Variants in ELOVL6 observed in about 807,000 individuals in gnomAD.
The protein encoded by ELOVL6 is very long chain fatty acid elongase 6.
In ELOVL6, 8 loss-of-function variants were observed where a neutral mutation model predicts 31.7. The ratio of observed to expected loss-of-function variants is 0.25; its 90% CI spans 0.15 to 0.45. The LOEUF (loss-of-function observed/expected upper bound fraction) is 0.45, where lower values mean the gene tolerates loss of function less well. ELOVL6 is among the 20% of genes least tolerant of loss of function. The pLI, the probability that ELOVL6 is intolerant of heterozygous loss-of-function variation, is 1.00. For synonymous variants in ELOVL6, 101 were observed against 117.7 expected, an observed-to-expected ratio of 0.86 and a Z score of 0.92; for missense variants, 126 against 326.4, an observed-to-expected ratio of 0.39 and a Z score of 4.73.
In ELOVL6 at chr4:110,051,544, T is replaced by C. The variant is rs1243958053; in HGVS notation, c.592A>G (p.Ile198Val). ...ATCTGAGTGATCTGGGACAAGGTGA[T>C]GAACATGGCAAACTTCCGGGAGACT... ...FRVSRKFAMFITLSQITQMLM... is the reference protein window; with the variant it reads ...FRVSRKFAMFVTLSQITQMLM... The change falls in exon 4 of 4, where the codon ATC becomes GTC. Residue 198 changes from isoleucine to valine, a missense_variant. By Grantham distance (29) the Ile-to-Val change is conservative. Coordinates refer to ENST00000302274, the MANE Select transcript of ELOVL6 (RefSeq NM_024090.3). The surrounding 1 kb of genome is among the most constrained non-coding windows in gnomAD (Gnocchi z 4.8). The C allele has an allele frequency of 6.2e-7, 1 of 1,614,196 alleles. No individual in the cohort carries two copies.
At chr4:110,192,807 T>A (rs1033572397) in intron 1 of ELOVL6, among the ~76,000 whole-genome samples, 1 of 152,214 alleles carries the variant, frequency 6.6e-6, no homozygotes, top group African/African-American at 2.4e-5. Context: ...TATGCCTACA[T>A]CCCAGTGCTT....
At chr4:110,052,312 C>T (rs1316738605) in intron 3 of ELOVL6, among the ~76,000 whole-genome samples, 1 of 152,156 alleles carries the variant, frequency 6.6e-6, no homozygotes, top group Non-Finnish European at 1.5e-5. Flanking sequence ...AAAGGTACCC[C>T]TCAAACATAT....
intron 1 of ELOVL6, among the ~76,000 whole-genome samples, chr4:110,167,520 G>A (rs1421381858): frequency 6.6e-6 from 1 of 151,446 alleles, no homozygotes; most frequent in Non-Finnish European, 1.5e-5. Context: ...GGGAGTGAAG[G>A]GGGAACATTA....
chr4:110,090,430 A>C (rs1017088425), intron 2 of ELOVL6, among the ~76,000 whole-genome samples: 2 of 152,126 alleles, frequency 1.3e-5, no homozygotes, highest in Non-Finnish European at 2.9e-5. Context: ...AATTTATGCC[A>C]TCCTCAATAG....
At chr4:110,139,317 C>T (rs1757890421) in intron 1 of ELOVL6, among the ~76,000 whole-genome samples, 1 of 152,072 alleles carries the variant, frequency 6.6e-6, no homozygotes, top group South Asian at 2.1e-4. Flanking sequence ...CATTTCCATC[C>T]CCTTGGGGCT....
chr4:110,178,479 T>C (rs1324496224), intron 1 of ELOVL6, among the ~76,000 whole-genome samples: 1 of 151,504 alleles, frequency 6.6e-6, no homozygotes, highest in East Asian at 1.9e-4. Flanking sequence ...GAGGTGAAGG[T>C]TGCAGTGAGC....
At chr4:110,084,361 G>A (rs567398765) in intron 2 of ELOVL6, among the ~76,000 whole-genome samples, 3,030 of 73,778 alleles carry the variant, frequency 0.041, 394 homozygotes, top group African/African-American at 0.12. Context: ...GATATATACC[G>A]CATATATGAT....
At chr4:110,164,191 G>C (rs1028545074) in intron 1 of ELOVL6, among the ~76,000 whole-genome samples, 72 of 152,138 alleles carry the variant, frequency 4.7e-4, no homozygotes, top group African/African-American at 1.6e-3. Context: ...CTTAGAAATG[G>C]GGGCCTAGGG....
intron 1 of ELOVL6, among the ~76,000 whole-genome samples, chr4:110,183,967 G>A (rs1759370493): frequency 6.6e-6 from 1 of 152,136 alleles, no homozygotes; most frequent in South Asian, 2.1e-4. Flanking sequence ...AGGCAACAGA[G>A]TGAGACCCTG....
chr4:110,112,024 A>G (rs11098070), intron 1 of ELOVL6, among the ~76,000 whole-genome samples: 70,667 of 152,138 alleles, frequency 0.46, 16,859 homozygotes, highest in East Asian at 0.57. Context: ...TAAACAATAG[A>G]CTAAATCACA....
chr4:110,121,154 C>A (rs998861077), intron 1 of ELOVL6, among the ~76,000 whole-genome samples: 1 of 152,242 alleles, frequency 6.6e-6, no homozygotes, highest in East Asian at 1.9e-4. Flanking sequence ...GGAGGAAATG[C>A]GTAAGGCAGG....
At chr4:110,084,138 A>ATATATATCACATATATGTGATAATGT in intron 2 of ELOVL6, among the ~76,000 whole-genome samples, 1 of 51,290 alleles carries the variant, frequency 1.9e-5, no homozygotes, top group Non-Finnish European at 3.5e-5. Context: ...TGTGATAATG[A>ATATATATCACATATATGTGATAATGT]TATATATGAT....
At chr4:110,163,695 G>A (rs1209760836) in intron 1 of ELOVL6, among the ~76,000 whole-genome samples, 6 of 152,220 alleles carry the variant, frequency 3.9e-5, no homozygotes, top group Non-Finnish European at 8.8e-5. Flanking sequence ...AAGAGTTTAA[G>A]ATTAAAAGTT....
At position 110,084,572 on chromosome 4, in the gene ELOVL6, A is replaced by T. The variant is rs867727417; in HGVS notation, c.221+20925T>A. 5.8e-3 allele frequency among the ~76,000 whole-genome samples: 244 copies of T among 41,920 alleles called. 6 individuals carry two copies. The highest frequency in any genetic ancestry group is 0.015 in the East Asian group (14 of 906). 27.5% of individuals were successfully genotyped at this position (41,920 alleles called of 152,430 possible). A position where few individuals can be genotyped will look rare whatever the true frequency, so the allele number is the denominator to read the frequency against. On this transcript the variant is annotated intron_variant, in intron 2 of 3. Transcript: ENST00000302274. ...CACACACACACACACAGATATATATATATATATATATATATATTTTTTTTT... is the reference window on the plus strand; with the variant it reads ...CACACACACACACACAGATATATATTTATATATATATATATATTTTTTTTT...
chr4:110,111,306 CTT>C (rs1757027586), intron 1 of ELOVL6, among the ~76,000 whole-genome samples: 1 of 150,996 alleles, frequency 6.6e-6, no homozygotes, highest in Admixed American at 6.6e-5. Context: ...TAAAAAGACT[CTT>C]TAATACTTAA....
chr4:110,071,921 C>T (rs1755495089), intron 2 of ELOVL6, among the ~76,000 whole-genome samples: 1 of 152,240 alleles, frequency 6.6e-6, no homozygotes. Flanking sequence ...CCTGCAATAT[C>T]TGGTGAACTC....
intron 1 of ELOVL6, among the ~76,000 whole-genome samples, chr4:110,169,153 G>A (rs1758865022): frequency 6.6e-6 from 1 of 151,770 alleles, no homozygotes; most frequent in African/African-American, 2.4e-5. Context: ...GTAGAGACAG[G>A]GTCCACCCAC....
At chr4:110,174,522 A>G (rs1264543297) in intron 1 of ELOVL6, among the ~76,000 whole-genome samples, 1 of 152,162 alleles carries the variant, frequency 6.6e-6, no homozygotes, top group Non-Finnish European at 1.5e-5. Context: ...TTTTGAACAT[A>G]CATTTTTTAA....
chr4:110,158,043 C>T (rs10003316), intron 1 of ELOVL6, among the ~76,000 whole-genome samples: 4,223 of 152,210 alleles, frequency 0.028, 205 homozygotes, highest in African/African-American at 0.095. Flanking sequence ...GGATATAGTA[C>T]ATTGAAACTG....
Sources: allele counts gnomAD v4.1 joint callset (sites outside exome capture counted in the v4.1 genomes callset), GRCh38; gene constraint gnomAD v4.1.1; non-coding constraint Gnocchi (gnomAD v3.1); transcripts MANE v1.5; gene names NCBI Gene and HGNC (gene_info 2026-07-23, HGNC 2026-07-21).